The following LRMDA variants were observed in gnomAD, a reference collection of about 807,000 sequenced individuals.
LRMDA encodes the protein leucine rich melanocyte differentiation associated, also known as leucine-rich melanocyte differentiation-associated protein.
In LRMDA, 18 loss-of-function variants were observed where a neutral mutation model predicts 29.8. The ratio of observed to expected loss-of-function variants is 0.60; its 90% CI spans 0.42 to 0.90. The LOEUF is 0.90. Among genes scored for constraint, LRMDA ranks in the 40% least tolerant of loss-of-function variants. The pLI is 0.00. For missense variants in LRMDA, 273 were observed against 273.9 expected (o/e 1.00, Z 0.02); for synonymous variants, 125 against 109.4 (o/e 1.14, Z -0.89).
intron 5 of LRMDA, among the ~76,000 whole-genome samples, chr10:76,090,577 AC>A (rs1413657000): frequency 6.6e-6 from 1 of 152,228 alleles, no homozygotes; most frequent in African/African-American, 2.4e-5. Context: ...ATATTTGAAC[AC>A]CCATGTTCGT....
chr10:76,177,106 A>G (rs1425545716), intron 5 of LRMDA, among the ~76,000 whole-genome samples: 11 of 152,180 alleles, frequency 7.2e-5, no homozygotes, highest in Non-Finnish European at 1.6e-4. Context: ...CAAGTTTAGG[A>G]ACAGGGCTGC....
At chr10:76,170,039 T>C in intron 5 of LRMDA, among the ~76,000 whole-genome samples, 1 of 152,122 alleles carries the variant, frequency 6.6e-6, no homozygotes, top group East Asian at 1.9e-4. Flanking sequence ...AAAGGTAAAA[T>C]AATCGGAGGA....
chr10:76,144,510 T>C (rs1212625112), intron 5 of LRMDA, among the ~76,000 whole-genome samples: 1 of 152,210 alleles, frequency 6.6e-6, no homozygotes, highest in African/African-American at 2.4e-5. Flanking sequence ...TATTGGTGTA[T>C]AAGAATGCTT....
At chr10:76,383,942 A>G (rs1841627921) in intron 6 of LRMDA, among the ~76,000 whole-genome samples, 1 of 151,910 alleles carries the variant, frequency 6.6e-6, no homozygotes, top group East Asian at 1.9e-4. Flanking sequence ...TCCTTGTGAC[A>G]TTTACTGATA....
intron 6 of LRMDA, among the ~76,000 whole-genome samples, chr10:76,477,528 C>T (rs1349532341): frequency 1.3e-5 from 2 of 152,098 alleles, no homozygotes; most frequent in East Asian, 3.9e-4. Flanking sequence ...CAATGACTTT[C>T]TTCACAGAAT....
At chr10:76,123,644 T>C (rs1849828858) in intron 5 of LRMDA, among the ~76,000 whole-genome samples, 1 of 152,368 alleles carries the variant, frequency 6.6e-6, no homozygotes, top group South Asian at 2.1e-4. Flanking sequence ...ACATAAAAGG[T>C]TCTAAACTGT....
intron 2 of LRMDA, among the ~76,000 whole-genome samples, chr10:75,821,795 C>CAAACAAAA (rs1554827939): frequency 1.0e-3 from 156 of 151,000 alleles, no homozygotes; most frequent in African/African-American, 3.5e-3. Context: ...AACAAACAAA[C>CAAACAAAA]AAAAAAAACC....
intron 2 of LRMDA, among the ~76,000 whole-genome samples, chr10:75,761,228 A>G (rs1249222984): frequency 6.6e-6 from 1 of 152,246 alleles, no homozygotes; most frequent in Non-Finnish European, 1.5e-5. Flanking sequence ...ACAGATATTT[A>G]TACACCCATG....
intron 5 of LRMDA, among the ~76,000 whole-genome samples, chr10:76,185,139 C>G (rs1851124464): frequency 6.6e-6 from 1 of 152,134 alleles, no homozygotes; most frequent in Non-Finnish European, 1.5e-5. Flanking sequence ...TAAGCACACA[C>G]AAAATGGACA....
intron 6 of LRMDA, among the ~76,000 whole-genome samples, chr10:76,550,786 CA>C (rs1210238541): frequency 6.6e-6 from 1 of 152,158 alleles, no homozygotes; most frequent in East Asian, 1.9e-4. Context: ...CCTCCTTCCT[CA>C]AAAACTGCTT....
chr10:75,645,496 T>C (rs1226872827), intron 2 of LRMDA, among the ~76,000 whole-genome samples: 1 of 152,030 alleles, frequency 6.6e-6, no homozygotes, highest in African/African-American at 2.4e-5. Flanking sequence ...AATAATCAAC[T>C]GTGAATGTCG....
At chr10:76,373,839 C>A (rs1422932858) in intron 6 of LRMDA, among the ~76,000 whole-genome samples, 1 of 152,172 alleles carries the variant, frequency 6.6e-6, no homozygotes, top group East Asian at 1.9e-4. Context: ...TAGAGTCTCA[C>A]TAGCATGAAA....
chr10:75,597,368 G>A (rs949645226), intron 2 of LRMDA, among the ~76,000 whole-genome samples: 6 of 152,158 alleles, frequency 3.9e-5, no homozygotes, highest in African/African-American at 9.7e-5. Context: ...TAAAACAATG[G>A]CCAGTGGCCT....
intron 5 of LRMDA, among the ~76,000 whole-genome samples, chr10:76,180,196 C>G (rs1302948628): frequency 6.6e-6 from 1 of 151,268 alleles, no homozygotes; most frequent in African/African-American, 2.4e-5. Context: ...GGTGGTAAAT[C>G]AGTCCCAGGA....
chr10:75,867,101 C>G (rs534038370), intron 2 of LRMDA, among the ~76,000 whole-genome samples: 28 of 152,298 alleles, frequency 1.8e-4, no homozygotes, highest in Middle Eastern at 3.4e-3. Flanking sequence ...CAGTCTCTCT[C>G]CTTTCTTTCT....
At chr10:76,341,525 C>A (rs116470437) in intron 6 of LRMDA, among the ~76,000 whole-genome samples, 5 of 152,076 alleles carry the variant, frequency 3.3e-5, no homozygotes, top group African/African-American at 7.2e-5. Context: ...CCAGTTAGTA[C>A]GGCTGTGTAA....
chr10:76,535,096 C>A (rs528872692), intron 6 of LRMDA, among the ~76,000 whole-genome samples: 5 of 152,342 alleles, frequency 3.3e-5, no homozygotes, highest in African/African-American at 1.2e-4. Context: ...GTATCCCTAG[C>A]TACCAGGATA....
intron 5 of LRMDA, among the ~76,000 whole-genome samples, chr10:76,304,877 C>T (rs74550835): frequency 0.012 from 1,901 of 152,152 alleles, 44 homozygotes; most frequent in African/African-American, 0.044. Flanking sequence ...GAGAACACCA[C>T]GTGATGACTC....
chr10:75,812,314 G>A (rs915919326), intron 2 of LRMDA, among the ~76,000 whole-genome samples: 1 of 151,916 alleles, frequency 6.6e-6, no homozygotes, highest in East Asian at 1.9e-4. Flanking sequence ...AAACTGTCAA[G>A]CCCGTCAATG....
Sources: allele counts gnomAD v4.1 joint callset (sites outside exome capture counted in the v4.1 genomes callset), GRCh38; gene constraint gnomAD v4.1.1; transcripts MANE v1.5; gene names NCBI Gene and HGNC (gene_info 2026-07-23, HGNC 2026-07-21).